The following CSMD1 variants were observed in gnomAD, a reference collection of about 807,000 sequenced individuals.
CSMD1 encodes the protein CUB and Sushi multiple domains 1.
In CSMD1, 213 loss-of-function variants were observed where a neutral mutation model predicts 417.5. The ratio of observed to expected loss-of-function variants is 0.51; its 90% confidence interval spans 0.46 to 0.57. The LOEUF (loss-of-function observed/expected upper bound fraction) is 0.57. Ranked by LOEUF, CSMD1 falls within the 20% of genes least tolerant of loss-of-function variation. The pLI is 0.00. For missense variants in CSMD1, 6,923 were observed against 4,529.7 expected (o/e 1.53, Z -15.17); for synonymous variants, 2,862 against 1,736.8 (o/e 1.65, Z -16.11).
At chr8:4,352,826 C>T (rs1046070083) in intron 3 of CSMD1, among the ~76,000 whole-genome samples, 8 of 152,236 alleles carry the variant, frequency 5.3e-5, no homozygotes, top group East Asian at 1.9e-4. Flanking sequence ...ATGGTTCAAA[C>T]GAACTCAAAC....
chr8:4,907,117 C>T (rs1805335413), intron 1 of CSMD1, among the ~76,000 whole-genome samples: 1 of 152,204 alleles, frequency 6.6e-6, no homozygotes, highest in East Asian at 1.9e-4. Flanking sequence ...TTGCTGCTTT[C>T]TGTGTGTGCA....
At chr8:3,310,615 TAAA>T (rs1038893762) in intron 23 of CSMD1, among the ~76,000 whole-genome samples, 5 of 152,196 alleles carry the variant, frequency 3.3e-5, no homozygotes, top group African/African-American at 1.2e-4. Context: ...AATCGGGGTG[TAAA>T]AAACTTTTGA....
At chr8:3,649,719 G>C (rs1424299794) in intron 7 of CSMD1, among the ~76,000 whole-genome samples, 1 of 152,150 alleles carries the variant, frequency 6.6e-6, no homozygotes, top group East Asian at 1.9e-4. Context: ...TATAATTCAA[G>C]ATGAGATTTG....
intron 5 of CSMD1, among the ~76,000 whole-genome samples, chr8:3,783,735 C>A (rs545729265): frequency 1.3e-5 from 2 of 152,204 alleles, no homozygotes; most frequent in Non-Finnish European, 2.9e-5. Context: ...ATTCTTACTC[C>A]TGCTATTCAG....
intron 3 of CSMD1, among the ~76,000 whole-genome samples, chr8:4,101,498 C>T (rs1390798740): frequency 6.6e-6 from 1 of 152,104 alleles, no homozygotes; most frequent in Admixed American, 6.5e-5. Context: ...TCCTCAGTCA[C>T]CCTGCAGTCA....
chr8:2,972,909 C>A (rs1804584911), intron 57 of CSMD1, among the ~76,000 whole-genome samples: 1 of 152,170 alleles, frequency 6.6e-6, no homozygotes, highest in Admixed American at 6.5e-5. Context: ...CAATAAGCAT[C>A]CGTGTGATGG....
chr8:4,126,920 A>T (rs62503600), intron 3 of CSMD1, among the ~76,000 whole-genome samples: 23,408 of 152,004 alleles, frequency 0.15, 1,946 homozygotes, highest in South Asian at 0.29. Context: ...TCTCACGCCC[A>T]CACAGACTCT....
At chr8:3,106,860 G>T in intron 45 of CSMD1, 1 of 379,694 alleles carries the variant, frequency 2.6e-6, no homozygotes, top group Non-Finnish European at 4.7e-6. Flanking sequence ...GTACTGAAAT[G>T]ATGTGGCAGC....
At chr8:3,800,972 G>A (rs946419498) in intron 5 of CSMD1, among the ~76,000 whole-genome samples, 3 of 151,802 alleles carry the variant, frequency 2.0e-5, no homozygotes, top group Non-Finnish European at 4.4e-5. Context: ...ACACAAAACA[G>A]ACTAAGACAA....
chr8:2,971,371 C>T (rs1367857561), intron 57 of CSMD1, among the ~76,000 whole-genome samples: 4 of 152,184 alleles, frequency 2.6e-5, no homozygotes, highest in African/African-American at 9.7e-5. Flanking sequence ...GAAAGAATCA[C>T]TCAGACGGTG....
At chr8:3,626,154 A>G (rs1796482187) in intron 7 of CSMD1, among the ~76,000 whole-genome samples, 1 of 152,220 alleles carries the variant, frequency 6.6e-6, no homozygotes, top group South Asian at 2.1e-4. Context: ...GCAGCACCAA[A>G]GAGCGACGTC....
intron 3 of CSMD1, among the ~76,000 whole-genome samples, chr8:4,124,977 C>T (rs1004918856): frequency 1.3e-5 from 2 of 152,104 alleles, no homozygotes; most frequent in Non-Finnish European, 2.9e-5. Flanking sequence ...GTTTTACTGT[C>T]GCTTTTGCTT....
intron 7 of CSMD1, among the ~76,000 whole-genome samples, chr8:3,621,730 C>T (rs1157048257): frequency 1.3e-5 from 2 of 151,818 alleles, no homozygotes; most frequent in South Asian, 2.1e-4. Context: ...CAGGTGCATG[C>T]CACCACTCCC....
At chr8:4,443,490 T>C (rs747036094) in intron 2 of CSMD1, among the ~76,000 whole-genome samples, 1 of 152,212 alleles carries the variant, frequency 6.6e-6, no homozygotes, top group Non-Finnish European at 1.5e-5. Flanking sequence ...TATGTGTTTC[T>C]TTATATGCCA....
chr8:3,987,928 C>A (rs1468690279), intron 5 of CSMD1, among the ~76,000 whole-genome samples: 1 of 152,178 alleles, frequency 6.6e-6, no homozygotes, highest in African/African-American at 2.4e-5. Context: ...ACCGAATGGT[C>A]TCACATCAAA....
At chr8:3,355,771 C>A (rs928173885) in intron 21 of CSMD1, among the ~76,000 whole-genome samples, 1 of 152,114 alleles carries the variant, frequency 6.6e-6, no homozygotes. Flanking sequence ...CTTTACATCA[C>A]CTTACCAATA....
chr8:4,783,152 T>C (rs11786617), intron 1 of CSMD1, among the ~76,000 whole-genome samples: 15,320 of 152,220 alleles, frequency 0.1, 966 homozygotes, highest in East Asian at 0.33. Flanking sequence ...AATTCATCTC[T>C]CCAACCCACC....
At chr8:4,073,990 G>A (rs987027951) in intron 3 of CSMD1, among the ~76,000 whole-genome samples, 1 of 151,882 alleles carries the variant, frequency 6.6e-6, no homozygotes. Context: ...ATTGGCTTTG[G>A]GAAGCTTTAA....
intron 5 of CSMD1, among the ~76,000 whole-genome samples, chr8:3,986,087 C>G (rs1414414253): frequency 6.6e-6 from 1 of 152,074 alleles, no homozygotes; most frequent in Non-Finnish European, 1.5e-5. Context: ...AATCAAGGAT[C>G]TCGTTCGTAT....
Sources: allele counts gnomAD v4.1 joint callset (sites outside exome capture counted in the v4.1 genomes callset), GRCh38; gene constraint gnomAD v4.1.1; transcripts MANE v1.5; gene names NCBI Gene and HGNC (gene_info 2026-07-23, HGNC 2026-07-21).